Variants in DPP6 observed in about 807,000 individuals in gnomAD.
The protein encoded by DPP6 is A-type potassium channel modulatory protein DPP6.
A neutral mutation model predicts 122.6 loss-of-function variants in DPP6; 69 were observed. That is an observed-to-expected ratio of 0.56 (90% CI 0.46 to 0.69). The LOEUF (loss-of-function observed/expected upper bound fraction) is 0.69, where lower values mean the gene tolerates loss of function less well. DPP6 is among the 30% of genes least tolerant of loss of function. The pLI is 0.00. For missense variants in DPP6, 928 were observed against 1,116.9 expected (o/e 0.83, Z 2.41); for synonymous variants, 418 against 433.1 (o/e 0.97, Z 0.43).
At chr7:154,595,410 C>A (rs975582001) in intron 5 of DPP6, among the ~76,000 whole-genome samples, 1 of 152,132 alleles carries the variant, frequency 6.6e-6, no homozygotes, top group Non-Finnish European at 1.5e-5. Flanking sequence ...AACTCTTGGG[C>A]TTCCATTTTG....
chr7:154,507,977 C>T (rs994623615), intron 3 of DPP6, among the ~76,000 whole-genome samples: 4 of 152,182 alleles, frequency 2.6e-5, no homozygotes, highest in Non-Finnish European at 5.9e-5. Context: ...CCCCATTCAA[C>T]TTAATTGAAA....
intron 1 of DPP6, among the ~76,000 whole-genome samples, chr7:154,187,955 G>A (rs1206673913): frequency 2.6e-5 from 4 of 152,164 alleles, no homozygotes; most frequent in African/African-American, 7.2e-5. Context: ...CATTCTAATG[G>A]GCATCTATCT....
the DPP6 span, among the ~76,000 whole-genome samples, chr7:153,785,917 C>A: frequency 6.7e-6 from 1 of 148,596 alleles, no homozygotes; most frequent in African/African-American, 2.5e-5. Context: ...TATCTTCAGT[C>A]GAATAGTAGA....
At chr7:154,599,164 C>T (rs145881399) in intron 5 of DPP6, among the ~76,000 whole-genome samples, 2 of 152,294 alleles carry the variant, frequency 1.3e-5, no homozygotes, top group East Asian at 3.9e-4. Flanking sequence ...CCAAAGTCAA[C>T]AAAAGAGCAT....
chr7:154,649,668 C>A (rs1396331983), intron 6 of DPP6, among the ~76,000 whole-genome samples: 3 of 152,236 alleles, frequency 2.0e-5, no homozygotes, highest in Non-Finnish European at 4.4e-5. Context: ...CCAGCCTGCA[C>A]CTGCCTTTCT....
At chr7:154,865,901 C>G (rs1193872724) in intron 17 of DPP6, among the ~76,000 whole-genome samples, 1 of 152,218 alleles carries the variant, frequency 6.6e-6, no homozygotes, top group Non-Finnish European at 1.5e-5. Flanking sequence ...ACAAACCCAT[C>G]TACCCCGGGT....
At chr7:154,501,243 A>T (rs952689088) in intron 3 of DPP6, among the ~76,000 whole-genome samples, 9 of 125,348 alleles carry the variant, frequency 7.2e-5, no homozygotes, top group African/African-American at 2.7e-4. Context: ...CAGTCTGACA[A>T]CATGATAGAA....
At chr7:153,845,439 G>T in the DPP6 span, among the ~76,000 whole-genome samples, 8 of 151,556 alleles carry the variant, frequency 5.3e-5, no homozygotes, top group African/African-American at 1.9e-4. Context: ...CTAAACTTTT[G>T]ATCAGTTTAT....
Position 154,807,002 on chromosome 7 carries a change from C to T in DPP6, c.1556C>T (p.Thr519Met), listed in dbSNP as rs373181078. Residue 519 changes from threonine (T) to methionine (M), a missense_variant, in exon 16 of 26, where the codon ACG becomes ATG. Thr to Met is a moderately conservative substitution (Grantham distance 81, BLOSUM62 -1). Coordinates refer to ENST00000377770, the MANE Select transcript of DPP6 (RefSeq NM_130797.4). ...GTCCTTTGCTCTTCCAGTGCCAACA[C>T]GGTGGGCAACTTCAACAGGCAGTGC... The part of the protein sequence containing the change: ...PRRRQLYSAN[T>M]VGNFNRQCLS... 4.8e-5 allele frequency: 77 copies of T among 1,613,830 alleles called. No individual in the cohort carries two copies. Among genetic ancestry groups the T allele is most frequent in the Non-Finnish European group, 5.9e-5 (70 of 1,179,806 alleles).
chr7:153,794,017 C>T, the DPP6 span, among the ~76,000 whole-genome samples: 4 of 152,246 alleles, frequency 2.6e-5, no homozygotes, highest in African/African-American at 9.6e-5. Flanking sequence ...GATGCCCAGA[C>T]AGAAGTTTGC....
intron 5 of DPP6, among the ~76,000 whole-genome samples, chr7:154,629,309 C>T (rs925518583): frequency 6.6e-6 from 1 of 152,162 alleles, no homozygotes; most frequent in African/African-American, 2.4e-5. Context: ...AGAATATTTT[C>T]CAGCTTCTTT....
Position 154,089,683 on chromosome 7 carries a change from C to T in DPP6, c.243+36620C>T, listed in dbSNP as rs548499501. 1.2e-3 allele frequency among the ~76,000 whole-genome samples: 165 copies of T among 140,044 alleles called. 2 individuals carry two copies. The highest frequency in any genetic ancestry group is 4.1e-3 in the African/African-American group (160 of 38,648). 91.9% of individuals were successfully genotyped at this position (140,044 alleles called of 152,430 possible). On this transcript the variant is annotated intron_variant, in intron 1 of 25. Transcript: ENST00000377770. ...CAGCTCATTCCCACGGCAGTCCTCA[C>T]GCAGGCACCAAAACTCTACCCCACT...
intron 1 of DPP6, among the ~76,000 whole-genome samples, chr7:154,326,172 C>T (rs1041594746): frequency 6.6e-6 from 1 of 152,092 alleles, no homozygotes; most frequent in Non-Finnish European, 1.5e-5. Flanking sequence ...TAACTGTAGG[C>T]AATAAAACAT....
At chr7:154,452,803 G>A (rs536433718) in intron 2 of DPP6, among the ~76,000 whole-genome samples, 1 of 152,180 alleles carries the variant, frequency 6.6e-6, no homozygotes, top group Non-Finnish European at 1.5e-5. Context: ...TTGTCCTGGA[G>A]TACAGTCTAA....
At chr7:154,579,400 A>T (rs1267276135) in intron 5 of DPP6, among the ~76,000 whole-genome samples, 1 of 152,220 alleles carries the variant, frequency 6.6e-6, no homozygotes, top group Non-Finnish European at 1.5e-5. Context: ...TTACTCTTGG[A>T]ATGAAGAAAT....
chr7:154,447,221 G>A (rs772514729), intron 2 of DPP6, among the ~76,000 whole-genome samples: 35 of 152,086 alleles, frequency 2.3e-4, no homozygotes, highest in African/African-American at 4.8e-4. Context: ...CAGGAGAATC[G>A]CTTGAACCTG....
At chr7:154,125,965 T>G (rs1265257196) in intron 1 of DPP6, among the ~76,000 whole-genome samples, 2 of 152,208 alleles carry the variant, frequency 1.3e-5, no homozygotes, top group Non-Finnish European at 2.9e-5. Context: ...AATTGTCATC[T>G]GGAAGAACCA....
chr7:154,314,690 T>A (rs1337234879), intron 1 of DPP6, among the ~76,000 whole-genome samples: 1 of 152,016 alleles, frequency 6.6e-6, no homozygotes, highest in Non-Finnish European at 1.5e-5. Flanking sequence ...TCAGAGAGGT[T>A]GAGTAAATTA....
chr7:154,156,237 G>A (rs1310998758), intron 1 of DPP6, among the ~76,000 whole-genome samples: 3 of 152,248 alleles, frequency 2.0e-5, no homozygotes, highest in East Asian at 1.9e-4. Context: ...TTTGCAGGCC[G>A]GCATGGTATT....
Sources: allele counts gnomAD v4.1 joint callset (sites outside exome capture counted in the v4.1 genomes callset), GRCh38; gene constraint gnomAD v4.1.1; transcripts MANE v1.5; gene names NCBI Gene and HGNC (gene_info 2026-07-23, HGNC 2026-07-21).